DAB1: variants seen among roughly 807,000 people sequenced by gnomAD.
The protein encoded by DAB1 is DAB adaptor protein 1, also known as disabled homolog 1.
In DAB1, 15 loss-of-function variants were observed where a neutral mutation model predicts 64.6. That is an observed-to-expected ratio of 0.23 (90% CI 0.16 to 0.36). The LOEUF (loss-of-function observed/expected upper bound fraction) is 0.36. DAB1 is among the 10% of genes least tolerant of loss of function. The pLI, the probability that DAB1 is intolerant of heterozygous loss-of-function variation, is 1.00. For missense variants in DAB1, 596 were observed against 706.7 expected (o/e 0.84, Z 1.78); for synonymous variants, 235 against 251.9 (o/e 0.93, Z 0.64).
At chr1:57,042,326 T>C (rs931621536) in intron 9 of DAB1, among the ~76,000 whole-genome samples, 1 of 152,242 alleles carries the variant, frequency 6.6e-6, no homozygotes, top group Non-Finnish European at 1.5e-5. Flanking sequence ...AATAAGTCTG[T>C]AGGTATATTC....
chr1:57,902,889 C>T (rs2101997383), intron 5 of DAB1, among the ~76,000 whole-genome samples: 1 of 152,290 alleles, frequency 6.6e-6, no homozygotes, highest in East Asian at 1.9e-4. Flanking sequence ...CACTCTCACA[C>T]TGCTAATAAA....
intron 4 of DAB1, among the ~76,000 whole-genome samples, chr1:57,096,352 A>G (rs1654162934): frequency 6.6e-6 from 1 of 152,200 alleles, no homozygotes; most frequent in Non-Finnish European, 1.5e-5. Flanking sequence ...TGCCTAAAAT[A>G]AAAACTCACG....
intron 3 of DAB1, among the ~76,000 whole-genome samples, chr1:58,350,934 A>G (rs1419931905): frequency 6.6e-6 from 1 of 152,210 alleles, no homozygotes; most frequent in Admixed American, 6.5e-5. Context: ...TGTCTTGGCT[A>G]TGCAGGCTCT....
At chr1:57,514,055 G>A (rs373724340) in intron 7 of DAB1, among the ~76,000 whole-genome samples, 11 of 152,060 alleles carry the variant, frequency 7.2e-5, no homozygotes, top group Non-Finnish European at 1.5e-4. Flanking sequence ...ATAGTTTTCC[G>A]TTCTATATGT....
chr1:58,524,458 G>C (rs1646318110), intron 2 of DAB1, among the ~76,000 whole-genome samples: 1 of 152,046 alleles, frequency 6.6e-6, no homozygotes, highest in South Asian at 2.1e-4. Flanking sequence ...GCTTTTTCTT[G>C]AATCATATTA....
intron 5 of DAB1, among the ~76,000 whole-genome samples, chr1:57,916,899 C>T (rs1381702919): frequency 1.3e-5 from 2 of 151,670 alleles, no homozygotes; most frequent in Admixed American, 6.6e-5. Flanking sequence ...GCCAAGATCG[C>T]GCCACTGCAC....
intron 6 of DAB1, among the ~76,000 whole-genome samples, chr1:57,658,505 A>G (rs938451904): frequency 6.6e-5 from 10 of 151,376 alleles, no homozygotes; most frequent in African/African-American, 2.4e-4. Flanking sequence ...GGGTTTCACC[A>G]TGTTAGCCAG....
intron 6 of DAB1, among the ~76,000 whole-genome samples, chr1:57,756,450 T>C (rs1317101973): frequency 2.0e-5 from 3 of 151,830 alleles, no homozygotes; most frequent in Non-Finnish European, 4.4e-5. Flanking sequence ...GATAAGAAAG[T>C]GGGAGTGGGG....
At chr1:57,037,969 A>G (rs1019320131) in intron 9 of DAB1, among the ~76,000 whole-genome samples, 2 of 152,250 alleles carry the variant, frequency 1.3e-5, no homozygotes, top group Non-Finnish European at 2.9e-5. Context: ...CACACTTCAA[A>G]TATGGCTAGC....
chr1:57,778,748 G>A (rs1057488278), intron 6 of DAB1, among the ~76,000 whole-genome samples: 2 of 151,990 alleles, frequency 1.3e-5, no homozygotes, highest in Admixed American at 6.6e-5. Context: ...TGTGATTATG[G>A]ATCCTGTCAC....
chr1:57,551,594 G>A (rs1474016253), intron 7 of DAB1, among the ~76,000 whole-genome samples: 1 of 152,056 alleles, frequency 6.6e-6, no homozygotes, highest in African/African-American at 2.4e-5. Context: ...AGAGGGGGTG[G>A]CGTTTGGGAG....
chr1:57,356,302 C>T (rs1425150326), intron 1 of DAB1, among the ~76,000 whole-genome samples: 4 of 152,114 alleles, frequency 2.6e-5, no homozygotes, highest in Non-Finnish European at 4.4e-5. Flanking sequence ...ATGACTTAAA[C>T]TTGCTCAGTT....
chr1:57,477,432 T>G (rs1287765587), intron 7 of DAB1, among the ~76,000 whole-genome samples: 1 of 152,172 alleles, frequency 6.6e-6, no homozygotes, highest in African/African-American at 2.4e-5. Flanking sequence ...GTCCATTACA[T>G]TGATTTCATG....
chr1:57,973,503 T>C (rs1477065609), intron 5 of DAB1, among the ~76,000 whole-genome samples: 1 of 152,198 alleles, frequency 6.6e-6, no homozygotes, highest in African/African-American at 2.4e-5. Flanking sequence ...TACATGTACA[T>C]TACATAGACA....
chr1:57,346,197 G>A (rs1678073226), intron 1 of DAB1, among the ~76,000 whole-genome samples: 1 of 152,160 alleles, frequency 6.6e-6, no homozygotes, highest in South Asian at 2.1e-4. Context: ...CAGTGTGGCA[G>A]TTCTTACTAA....
chr1:58,178,375 A>T (rs2100779076), intron 4 of DAB1, among the ~76,000 whole-genome samples: 1 of 152,270 alleles, frequency 6.6e-6, no homozygotes, highest in Non-Finnish European at 1.5e-5. Flanking sequence ...CCCTCCAAAA[A>T]TTCAAATGCT....
intron 4 of DAB1, among the ~76,000 whole-genome samples, chr1:57,109,090 T>A (rs1489171223): frequency 1.3e-5 from 2 of 152,240 alleles, no homozygotes; most frequent in African/African-American, 4.8e-5. Flanking sequence ...ATTTGGCATA[T>A]GAATTTGGAT....
intron 4 of DAB1, among the ~76,000 whole-genome samples, chr1:58,287,673 T>G (rs185703552): frequency 6.8e-4 from 103 of 152,290 alleles, no homozygotes; most frequent in African/African-American, 2.4e-3. Flanking sequence ...TCCCACTGTT[T>G]CACTTGTCAT....
intron 3 of DAB1, among the ~76,000 whole-genome samples, chr1:58,388,492 G>C (rs147591449): frequency 9.9e-5 from 15 of 152,148 alleles, no homozygotes; most frequent in African/African-American, 3.6e-4. Context: ...AAATAAGACA[G>C]CCAGCCTACA....
Sources: allele counts gnomAD v4.1 joint callset (sites outside exome capture counted in the v4.1 genomes callset), GRCh38; gene constraint gnomAD v4.1.1; transcripts MANE v1.5; gene names NCBI Gene and HGNC (gene_info 2026-07-23, HGNC 2026-07-21).